The following FPGS variants were observed in gnomAD, a reference collection of about 807,000 sequenced individuals.
The protein encoded by FPGS is folylpolyglutamate synthase, mitochondrial.
In FPGS, 53 loss-of-function variants were observed where a neutral mutation model predicts 66.5. That is an observed-to-expected ratio of 0.80 (90% CI 0.64 to 1.00). The LOEUF (loss-of-function observed/expected upper bound fraction) is 1.00, where lower values mean the gene tolerates loss of function less well. Among genes scored for constraint, FPGS ranks in the 50% least tolerant of loss-of-function variants. The pLI, the probability that FPGS is intolerant of heterozygous loss-of-function variation, is 0.00. For synonymous variants in FPGS, 348 were observed against 350.9 expected (o/e 0.99, Z 0.09); for missense variants, 702 against 807.7 (o/e 0.87, Z 1.59).
chr9:127,809,716 C>T lies in FPGS; in HGVS notation c.1093C>T (p.Gln365Ter). The part of the protein sequence containing the change: ...LRNTEWPGRT[Q>*]VLRRGPLTWY... ...GAACACGGAGTGGCCGGGCCGGACG[C>T]AGGTGCTGCGGCGCGGGCCCCTCAC... The change falls in exon 12 of 15, where the codon CAG becomes TAG. Residue 365 changes from glutamine to a stop codon, truncating the protein, a stop_gained. Coordinates refer to ENST00000373247, the MANE Select transcript of FPGS (RefSeq NM_004957.6). LOFTEE classifies it high-confidence loss of function. 6.3e-7 allele frequency: 1 copy of T among 1,589,652 alleles called. No homozygotes were observed. The highest frequency in any genetic ancestry group is 8.5e-7 in the Non-Finnish European group (1 of 1,175,754).
At position 127,813,343 on chromosome 9, in the gene FPGS, T is replaced by G. The variant is rs779235774; in HGVS notation, c.1503T>G (p.Leu501=). 15 of 1,612,816 alleles carry G rather than the reference T, an allele frequency of 9.3e-6. No individual in the cohort carries two copies. In the African/African-American group the frequency reaches 1.9e-4, roughly 20 times the overall value. Residue 501 remains leucine, a synonymous_variant, in exon 15 of 15, where the codon CTT becomes CTG. Transcript: ENST00000373247. ...SPEPGGSASL[L]LAPHPPHTCS... is the part of the protein sequence containing the mutation. ...AGCCCGGTGGGTCCGCATCCCTGCTTCTGGCGCCCCACCCACCCCACACCT... is the reference window on the plus strand; with the variant it reads ...AGCCCGGTGGGTCCGCATCCCTGCTGCTGGCGCCCCACCCACCCCACACCT...
chr9:127,809,611 C>T (rs142450221), intron 11 of FPGS, 73 bp from the exon 12 acceptor site: 2 of 1,436,756 alleles, frequency 1.4e-6, no homozygotes, highest in Non-Finnish European at 1.8e-6. Context: ...AGAACGGGCT[C>T]AGGAGTGTGT....
chr9:127,804,638 C>T lies in FPGS; in HGVS notation c.324C>T (p.Gly108=). ...IIHVTGTKGK[G]STCAFTECIL... ...CAGACAATCCCTTTTCTTTCAAGGG[C>T]TCCACCTGTGCCTTCACGGAATGTA... Residue 108 remains glycine (G), a splice_region_variant and synonymous_variant, in exon 4 of 15, where the codon GGC becomes GGT. Coordinates refer to ENST00000373247, the MANE Select transcript of FPGS (RefSeq NM_004957.6). 1 of 1,614,160 alleles carries T rather than the reference C, an allele frequency of 6.2e-7. No individual in the cohort carries two copies. The highest frequency in any genetic ancestry group is 8.5e-7 in the Non-Finnish European group (1 of 1,180,010).
rs547702322 is a variant in FPGS at position 127,803,440 on chromosome 9, TC to T, written c.138+380del. On this transcript the variant is annotated intron_variant, in intron 1 of 14. Coordinates refer to ENST00000373247, the MANE Select transcript of FPGS (RefSeq NM_004957.6). The stretch of plus-strand genomic sequence containing the variant: ...GACTCAGGAATTCAGGCTTGAAAGA[TC>T]CAGGAGTATTGATCTGGGGGTGGGC... The T allele has an allele frequency of 3.7e-3, 3,707 of 1,011,144 alleles. 9 individuals carry two copies. Among genetic ancestry groups the T allele is most frequent in the Admixed American group, 5.1e-3 (87 of 16,994 alleles). 62.6% of individuals were successfully genotyped at this position (1,011,144 alleles called of 1,614,324 possible). A position where few individuals can be genotyped will look rare whatever the true frequency, so the allele number is the denominator to read the frequency against.
At chr9:127,811,971 G>A (rs927433133) in intron 14 of FPGS, among the ~76,000 whole-genome samples, 14 of 152,014 alleles carry the variant, frequency 9.2e-5, no homozygotes, top group Admixed American at 9.2e-4. Flanking sequence ...GTTTGAAATA[G>A]TGTAAAAATT....
rs1449967289 is a variant in FPGS at position 127,808,610 on chromosome 9, C to G, written c.875C>G (p.Pro292Arg). 44 of 1,612,098 alleles carry G rather than the reference C, an allele frequency of 2.7e-5. No homozygotes were observed. Among genetic ancestry groups the G allele is most frequent in the Non-Finnish European group, 3.3e-5 (39 of 1,179,740 alleles). Reference sequence around the variant, plus strand: ...GAGGCCCTCGAGGAAGGGGGGCCGCCGCTGACCCTGGGCCTGGAGGGGGAG... The same window carrying G: ...GAGGCCCTCGAGGAAGGGGGGCCGCGGCTGACCCTGGGCCTGGAGGGGGAG... ...MLEALEEGGPPLTLGLEGEHQ... is the reference protein window; with the variant it reads ...MLEALEEGGPRLTLGLEGEHQ... Residue 292 changes from proline (P) to arginine (R), a missense_variant, in exon 10 of 15, where the codon CCG (proline) becomes CGG (arginine). Pro to Arg is a moderately radical substitution (Grantham distance 103). Transcript: ENST00000373247.
At chr9:127,804,576 G>C (rs1390747044) in intron 3 of FPGS, 24 bp downstream of exon 3, 8 of 1,614,050 alleles carry the variant, frequency 5.0e-6, no homozygotes, top group Non-Finnish European at 6.8e-6. Context: ...CCCTGGGGTA[G>C]GGGGTCTATT....
chr9:127,811,460 G>A (rs1830071809), intron 14 of FPGS, among the ~76,000 whole-genome samples: 1 of 151,086 alleles, frequency 6.6e-6, no homozygotes, highest in East Asian at 2.0e-4. Flanking sequence ...CTAGGTCTGG[G>A]CGACAGAGCG....
rs1829732893 is a variant in FPGS, at chr9:127,804,558, G to C, written c.321+6G>C. 1 of 1,614,060 alleles carries C rather than the reference G, an allele frequency of 6.2e-7. No homozygotes were observed. The highest frequency in any genetic ancestry group is 1.3e-5 in the African/African-American group (1 of 74,932). On this transcript the variant is annotated splice_donor_region_variant and intron_variant, in intron 3 of 14. Coordinates refer to ENST00000373247, the MANE Select transcript of FPGS (RefSeq NM_004957.6). ...TCACTGGGACGAAGGGGAAGGTGAG[G>C]GGCAGGACCCTGGGGTAGGGGGTCT...
In FPGS at chr9:127,804,172, C is replaced by T. The variant is rs901531771; in HGVS notation, c.139-113C>T. 1.5e-5 allele frequency: 20 copies of T among 1,344,792 alleles called. No homozygotes were observed. In the African/African-American group the frequency reaches 1.9e-4, roughly 13 times the overall value. 83.3% of individuals were successfully genotyped at this position (1,344,792 alleles called of 1,614,324 possible). ...AGGCTAACAGTGCTGGCATGGCAGGCGGGCCTGGTACTGGCCTTGTTGCCC... is the reference window on the plus strand; with the variant it reads ...AGGCTAACAGTGCTGGCATGGCAGGTGGGCCTGGTACTGGCCTTGTTGCCC... On this transcript the variant is annotated intron_variant, in intron 1 of 14. Coordinates refer to ENST00000373247, the MANE Select transcript of FPGS (RefSeq NM_004957.6).
intron 2 of FPGS, 39 bp downstream of exon 2, chr9:127,804,452 T>C (rs199964290): frequency 2.5e-4 from 409 of 1,613,818 alleles, no homozygotes; most frequent in Admixed American, 4.0e-4. Flanking sequence ...CCCACCCCCA[T>C]TTGTGATTCC....
At chr9:127,809,596 A>C in intron 11 of FPGS, 88 bp from the exon 12 acceptor site, 1 of 1,331,698 alleles carries the variant, frequency 7.5e-7, no homozygotes, top group Non-Finnish European at 1.0e-6. Context: ...CGCAGCCTGC[A>C]GGGGAGAACG....
rs774517199 is a variant in FPGS at position 127,807,605 on chromosome 9, G to A, written c.661G>A (p.Val221Ile). Reference protein sequence around the residue: ...NIIRKPVVCGVSSLGIDHTSL... With the variant: ...NIIRKPVVCGISSLGIDHTSL... ...CTGCAGGAAGCCTGTGGTGTGCGGA[G>A]TCTCCTCTCTTGGCATCGACCACAC... Residue 221 changes from valine (V) to isoleucine (I), a missense_variant, in exon 8 of 15, where the codon GTC (valine) becomes ATC (isoleucine). Val to Ile is a conservative substitution (Grantham distance 29). This residue lies in a region of FPGS where 240 missense variants were observed against 348.6 expected (regional missense o/e 0.69). Transcript: ENST00000373247. This position sits in a 1 kb window ranked among gnomAD's most constrained non-coding sequence, Gnocchi z 5.8. 1.2e-6 allele frequency: 2 copies of A among 1,612,912 alleles called. No homozygotes were observed. The highest frequency in any genetic ancestry group is 1.7e-6 in the Non-Finnish European group (2 of 1,179,608).
Position 127,808,254 on chromosome 9 carries a change from T to G in FPGS, c.765T>G (p.Thr255=). The G allele has an allele frequency of 6.2e-7, 1 of 1,614,106 alleles. No individual in the cohort carries two copies. Among genetic ancestry groups the G allele is most frequent in the African/African-American group, 1.3e-5 (1 of 75,038 alleles). ...CACAGCAAGGTGTCCCTGCCTTCAC[T>G]GTGCTCCAACCTGAAGGTCCCCTGG... ...GIFKQGVPAF[T]VLQPEGPLAV... The change falls in exon 9 of 15, where the codon ACT becomes ACG. Residue 255 remains threonine (T), a synonymous_variant. Coordinates refer to ENST00000373247, the MANE Select transcript of FPGS (RefSeq NM_004957.6).
chr9:127,812,643 A>G lies in FPGS; in HGVS notation c.1355-552A>G, dbSNP rs187752300. On this transcript the variant is annotated intron_variant, in intron 14 of 14. Transcript: ENST00000373247. ...CAGCCTTCCAAGTATAGCTGGGATT[A>G]TAGGCGTGTGCCACCACACCTGGCT... Among the ~76,000 whole-genome samples the G allele has an allele frequency of 3.6e-4, 55 of 152,250 alleles. 1 individual carries two copies. In the East Asian group the frequency reaches 9.8e-3, roughly 27 times the overall value.
rs753409959 is a variant in FPGS at position 127,806,949 on chromosome 9, TG to T, written c.387-23del. 6 of 1,590,622 alleles carry T rather than the reference TG, an allele frequency of 3.8e-6. No homozygotes were observed. The African/African-American group carries it at 6.7e-5, about 18-fold the overall frequency. ...GCCAGGACGCTCGGGAAGGGAGTCCTGATGACCCCAGCTGTCCCGGCAGCTC... is the reference window on the plus strand; with the variant it reads ...GCCAGGACGCTCGGGAAGGGAGTCCTATGACCCCAGCTGTCCCGGCAGCTC... On this transcript the variant is annotated intron_variant, in intron 4 of 14. Coordinates refer to ENST00000373247, the MANE Select transcript of FPGS (RefSeq NM_004957.6).
At position 127,809,741 on chromosome 9, in the gene FPGS, C is replaced by G; in HGVS notation, c.1118C>G (p.Thr373Ser). Reference sequence around the variant, plus strand: ...CAGGTGCTGCGGCGCGGGCCCCTCACCTGGTACCTGGACGGTGCGCACACC... The same window carrying G: ...CAGGTGCTGCGGCGCGGGCCCCTCAGCTGGTACCTGGACGGTGCGCACACC... ...RTQVLRRGPL[T>S]WYLDGAHTAS... Residue 373 changes from threonine to serine, a missense_variant, in exon 12 of 15, where the codon ACC (threonine) becomes AGC (serine). This residue lies in a region of FPGS where 351 missense variants were observed against 363.7 expected (regional missense o/e 0.97). Coordinates refer to ENST00000373247, the MANE Select transcript of FPGS (RefSeq NM_004957.6). The G allele has an allele frequency of 6.3e-7, 1 of 1,586,826 alleles. No homozygotes were observed. Among genetic ancestry groups the G allele is most frequent in the Non-Finnish European group, 8.5e-7 (1 of 1,175,282 alleles).
chr9:127,813,538 A>C lies in FPGS; in HGVS notation c.1698A>C (p.Leu566=). 6.2e-7 allele frequency: 1 copy of C among 1,603,878 alleles called. No homozygotes were observed. ...GTGAGGCTGCTGCCATCCATGTGCT[A>C]GTCACTGGCAGCCTGCACCTGGTGG... The part of the protein sequence containing the change: ...ILREAAAIHV[L]VTGSLHLVGG... The change falls in exon 15 of 15, where the codon CTA becomes CTC. Residue 566 remains leucine (L), a synonymous_variant. Transcript: ENST00000373247.
chr9:127,806,262 T>C (rs1347826330), intron 4 of FPGS, among the ~76,000 whole-genome samples: 1 of 152,134 alleles, frequency 6.6e-6, no homozygotes, highest in African/African-American at 2.4e-5. Context: ...TCCCAGCACT[T>C]TGGGAGGCTG....
Sources: allele counts gnomAD v4.1 joint callset (sites outside exome capture counted in the v4.1 genomes callset), GRCh38; gene constraint gnomAD v4.1.1; regional missense constraint gnomAD v4.1.1; non-coding constraint Gnocchi (gnomAD v3.1); transcripts MANE v1.5; gene names NCBI Gene and HGNC (gene_info 2026-07-23, HGNC 2026-07-21).